Variants in IMMP2L observed in about 807,000 individuals in gnomAD.
IMMP2L encodes mitochondrial inner membrane protease subunit 2.
A neutral mutation model predicts 19.3 loss-of-function variants in IMMP2L; 18 were observed. That is an observed-to-expected ratio of 0.93 (90% CI 0.64 to 1.38). The LOEUF (loss-of-function observed/expected upper bound fraction) is 1.38. Ranked by LOEUF, IMMP2L falls within the 40% of genes most tolerant of loss-of-function variation. IMMP2L has a pLI of 0.00. For missense variants in IMMP2L, 233 were observed against 218.2 expected, an observed-to-expected ratio of 1.07 and a Z score of -0.43; for synonymous variants, 76 against 73.0, an observed-to-expected ratio of 1.04 and a Z score of -0.21.
intron 3 of IMMP2L, among the ~76,000 whole-genome samples, chr7:111,278,031 G>GTA: frequency 6.6e-6 from 1 of 152,128 alleles, no homozygotes; most frequent in East Asian, 1.9e-4. Flanking sequence ...TAAACAATGG[G>GTA]TACATATGGA....
chr7:111,225,510 A>G (rs1004524261), intron 3 of IMMP2L, among the ~76,000 whole-genome samples: 1 of 152,064 alleles, frequency 6.6e-6, no homozygotes, highest in African/African-American at 2.4e-5. Context: ...TTGGAGTGAG[A>G]AAATACAAAA....
At chr7:110,791,450 C>G (rs762893030) in intron 5 of IMMP2L, among the ~76,000 whole-genome samples, 1 of 151,606 alleles carries the variant, frequency 6.6e-6, no homozygotes, top group African/African-American at 2.4e-5. Flanking sequence ...GAAATGAGAA[C>G]TATTACTGTG....
intron 3 of IMMP2L, among the ~76,000 whole-genome samples, chr7:110,967,027 T>C (rs923617738): frequency 2.6e-5 from 4 of 152,052 alleles, no homozygotes; most frequent in African/African-American, 9.7e-5. Context: ...TGTTTTACAA[T>C]ATTTGTTTCT....
At chr7:110,865,600 C>T (rs941010135) in intron 5 of IMMP2L, among the ~76,000 whole-genome samples, 1 of 151,928 alleles carries the variant, frequency 6.6e-6, no homozygotes. Flanking sequence ...CAAAACTTTG[C>T]ATATCAATAC....
At chr7:111,134,710 C>A (rs1417789583) in intron 3 of IMMP2L, among the ~76,000 whole-genome samples, 1 of 151,916 alleles carries the variant, frequency 6.6e-6, no homozygotes, top group African/African-American at 2.4e-5. Flanking sequence ...TTGAAAAAAA[C>A]TTTCGGAGAT....
chr7:110,961,529 C>A (rs190702403), intron 4 of IMMP2L, among the ~76,000 whole-genome samples: 28 of 150,984 alleles, frequency 1.9e-4, no homozygotes, highest in African/African-American at 6.1e-4. Flanking sequence ...GATACAGAAC[C>A]CATGGATACA....
intron 3 of IMMP2L, among the ~76,000 whole-genome samples, chr7:111,160,380 T>G (rs1265590950): frequency 2.0e-5 from 3 of 152,074 alleles, no homozygotes; most frequent in Non-Finnish European, 4.4e-5. Context: ...ATTAGAGTAG[T>G]CTACTGCAAT....
intron 5 of IMMP2L, among the ~76,000 whole-genome samples, chr7:110,807,604 T>A (rs1177282074): frequency 7.2e-5 from 11 of 151,956 alleles, no homozygotes; most frequent in Non-Finnish European, 1.6e-4. Flanking sequence ...CATTAATTTT[T>A]AAAAAAAATT....
intron 3 of IMMP2L, among the ~76,000 whole-genome samples, chr7:111,068,753 A>G (rs1187913908): frequency 6.6e-6 from 1 of 152,218 alleles, no homozygotes; most frequent in African/African-American, 2.4e-5. Context: ...AAATACAGAA[A>G]ATAGCAACAT....
chr7:110,953,050 G>T (rs938971375), intron 4 of IMMP2L, among the ~76,000 whole-genome samples: 1 of 152,064 alleles, frequency 6.6e-6, no homozygotes, highest in African/African-American at 2.4e-5. Context: ...GTATGCTAGT[G>T]TAACAGATAT....
chr7:110,902,479 AAT>A (rs67367468), intron 4 of IMMP2L, among the ~76,000 whole-genome samples: 61,602 of 140,330 alleles, frequency 0.44, 13,853 homozygotes, highest in East Asian at 0.75. Context: ...TGAATGATAA[AAT>A]ATATATATAT....
intron 3 of IMMP2L, among the ~76,000 whole-genome samples, chr7:111,225,380 T>C (rs1316735067): frequency 6.6e-6 from 1 of 152,060 alleles, no homozygotes; most frequent in African/African-American, 2.4e-5. Context: ...TTGTTTATGC[T>C]GTATAATAAA....
At chr7:111,472,520 T>C (rs534678937) in intron 3 of IMMP2L, among the ~76,000 whole-genome samples, 1 of 152,274 alleles carries the variant, frequency 6.6e-6, no homozygotes, top group East Asian at 1.9e-4. Flanking sequence ...AACCATTATG[T>C]TGTAGGTAAA....
chr7:111,202,855 A>G (rs895550587), intron 3 of IMMP2L, among the ~76,000 whole-genome samples: 8 of 152,172 alleles, frequency 5.3e-5, no homozygotes, highest in African/African-American at 1.9e-4. Context: ...CTTGAAATCC[A>G]TTTTGGAAAA....
intron 3 of IMMP2L, among the ~76,000 whole-genome samples, chr7:111,159,132 T>G (rs1278280913): frequency 1.3e-5 from 2 of 152,192 alleles, no homozygotes; most frequent in Non-Finnish European, 2.9e-5. Context: ...TTTATTTATT[T>G]AGAGACGGAG....
At chr7:110,825,420 T>C (rs1482218243) in intron 5 of IMMP2L, among the ~76,000 whole-genome samples, 1 of 152,192 alleles carries the variant, frequency 6.6e-6, no homozygotes, top group African/African-American at 2.4e-5. Flanking sequence ...GGCATCATGC[T>C]ACCTGACTTC....
intron 3 of IMMP2L, among the ~76,000 whole-genome samples, chr7:111,325,221 T>C (rs557515311): frequency 2.6e-5 from 4 of 151,884 alleles, no homozygotes; most frequent in African/African-American, 9.6e-5. Context: ...TAGAGCTTTT[T>C]AAAATAATGT....
chr7:110,972,791 T>C (rs887659171), intron 3 of IMMP2L, among the ~76,000 whole-genome samples: 4 of 151,992 alleles, frequency 2.6e-5, no homozygotes, highest in East Asian at 3.9e-4. Flanking sequence ...GTGCTGCCTA[T>C]GGATTCCACA....
At chr7:111,478,317 T>C (rs1249871220) in intron 3 of IMMP2L, among the ~76,000 whole-genome samples, 1 of 152,174 alleles carries the variant, frequency 6.6e-6, no homozygotes, top group East Asian at 1.9e-4. Flanking sequence ...AGAATTTCTT[T>C]AAATTATTTT....
Sources: allele counts gnomAD v4.1 joint callset (sites outside exome capture counted in the v4.1 genomes callset), GRCh38; gene constraint gnomAD v4.1.1; transcripts MANE v1.5; gene names NCBI Gene and HGNC (gene_info 2026-07-23, HGNC 2026-07-21).